The following GPC5 variants were observed in gnomAD, a reference collection of about 807,000 sequenced individuals.
The protein encoded by GPC5 is glypican-5.
GPC5 carries 47 observed loss-of-function variants against 53.9 expected under a neutral mutation model. The ratio of observed to expected loss-of-function variants is 0.87; its 90% CI spans 0.69 to 1.11. GPC5 has a LOEUF of 1.11. Among genes scored for constraint, GPC5 ranks in the 50% most tolerant of loss-of-function variants. The probability of loss-of-function intolerance (pLI) is 0.00; values close to 1 mark genes in which losing one functional copy is unlikely to be tolerated. For synonymous variants in GPC5, 286 were observed against 263.3 expected (o/e 1.09, Z -0.84); for missense variants, 748 against 713.1 (o/e 1.05, Z -0.56).
intron 7 of GPC5, among the ~76,000 whole-genome samples, chr13:92,664,497 G>A (rs1348187991): frequency 6.6e-6 from 1 of 151,974 alleles, no homozygotes; most frequent in South Asian, 2.1e-4. Flanking sequence ...TGAAAGTGGA[G>A]TAGGGTAAAA....
chr13:92,201,479 T>C (rs2042295001), intron 7 of GPC5, among the ~76,000 whole-genome samples: 1 of 152,220 alleles, frequency 6.6e-6, no homozygotes, highest in Non-Finnish European at 1.5e-5. Context: ...AAAAAATACA[T>C]ATTGTCTTCA....
chr13:91,809,298 G>A (rs530516145), intron 5 of GPC5, among the ~76,000 whole-genome samples: 11 of 152,184 alleles, frequency 7.2e-5, no homozygotes, highest in South Asian at 2.1e-4. Context: ...ATCCACTGCC[G>A]TTTAATCATA....
At chr13:91,626,461 G>A (rs530479197) in intron 2 of GPC5, among the ~76,000 whole-genome samples, 24 of 152,110 alleles carry the variant, frequency 1.6e-4, no homozygotes, top group Non-Finnish European at 2.9e-4. Flanking sequence ...AAGGTCAAAT[G>A]GCTACCCTGT....
At chr13:92,268,967 G>T (rs1380258695) in intron 7 of GPC5, among the ~76,000 whole-genome samples, 1 of 151,614 alleles carries the variant, frequency 6.6e-6, no homozygotes, top group Non-Finnish European at 1.5e-5. Flanking sequence ...TGTCTATTTG[G>T]TTGTTATATT....
intron 7 of GPC5, among the ~76,000 whole-genome samples, chr13:92,753,120 C>A (rs1258430603): frequency 6.6e-6 from 1 of 152,184 alleles, no homozygotes; most frequent in East Asian, 1.9e-4. Context: ...AGTGGTTCTC[C>A]CAGCACTCAG....
chr13:92,106,068 T>G (rs2041507202), intron 6 of GPC5, among the ~76,000 whole-genome samples: 1 of 152,074 alleles, frequency 6.6e-6, no homozygotes, highest in Non-Finnish European at 1.5e-5. Context: ...TGTAGCACCC[T>G]GTTTAATTAT....
intron 6 of GPC5, among the ~76,000 whole-genome samples, chr13:92,049,588 G>T (rs1469211546): frequency 6.6e-6 from 1 of 152,014 alleles, no homozygotes; most frequent in Non-Finnish European, 1.5e-5. Context: ...ATGATTAATT[G>T]TTCCTTTACA....
rs188799384 is a variant in GPC5 at position 91,860,470 on chromosome 13, C to G, written c.1281-47467C>G. ...ATATCTATCCTTCCTTCCTTCCTTC[C>G]TGCCTTCCTTCCTTCCTTCCTCTTT... On this transcript the variant is annotated intron_variant, in intron 5 of 7. Transcript: ENST00000377067. Among the ~76,000 whole-genome samples the G allele has an allele frequency of 6.2e-3, 902 of 146,202 alleles. 10 individuals carry two copies. Among genetic ancestry groups the G allele is most frequent in the African/African-American group, 0.022 (868 of 39,054 alleles).
intron 5 of GPC5, among the ~76,000 whole-genome samples, chr13:91,787,728 A>C (rs1438799413): frequency 6.6e-6 from 1 of 152,214 alleles, no homozygotes; most frequent in Non-Finnish European, 1.5e-5. Flanking sequence ...ACTGTGAATA[A>C]ATATTTATAA....
Position 91,971,373 on chromosome 13 carries a change from C to G in GPC5, c.1401+63316C>G, listed in dbSNP as rs551434620. Among the ~76,000 whole-genome samples, 401 of 151,934 alleles carry G rather than the reference C, an allele frequency of 2.6e-3. 4 individuals are homozygous for G. Among genetic ancestry groups the G allele is most frequent in the African/African-American group, 9.1e-3 (378 of 41,422 alleles). On this transcript the variant is annotated intron_variant, in intron 6 of 7. Transcript: ENST00000377067. ...CTTCTCTCTTTTCTTCTTTATTAGT[C>G]TTGCTAGCGGTCTATCAATTTTGTT... is the stretch of plus-strand genomic sequence containing the variant.
chr13:92,597,419 C>T (rs1362748873), intron 7 of GPC5, among the ~76,000 whole-genome samples: 2 of 152,132 alleles, frequency 1.3e-5, no homozygotes, highest in Non-Finnish European at 2.9e-5. Flanking sequence ...CTGCATCCTT[C>T]GAAGAGACTG....
intron 7 of GPC5, among the ~76,000 whole-genome samples, chr13:92,182,797 A>C (rs1464434784): frequency 6.6e-6 from 1 of 152,040 alleles, no homozygotes; most frequent in East Asian, 1.9e-4. Flanking sequence ...TGAACCCGGC[A>C]GGCAGAGCTT....
chr13:91,991,091 G>A (rs977926501), intron 6 of GPC5, among the ~76,000 whole-genome samples: 5 of 152,170 alleles, frequency 3.3e-5, no homozygotes, highest in Non-Finnish European at 7.3e-5. Context: ...CCAGCCCGAG[G>A]ACACATTAGT....
chr13:92,156,464 GT>G lies in GPC5; in HGVS notation c.1561+11478del, dbSNP rs147840786. ...TTAACTTGCTGCATTGCTTCCCTCT[GT>G]TTCTTCTGCACACATGCTGATAGTG... On this transcript the variant is annotated intron_variant, in intron 7 of 7. Transcript: ENST00000377067. Among the ~76,000 whole-genome samples the G allele has an allele frequency of 4.9e-3, 742 of 152,166 alleles. 10 individuals carry two copies. The highest frequency in any genetic ancestry group is 0.016 in the African/African-American group (669 of 41,516).
intron 7 of GPC5, among the ~76,000 whole-genome samples, chr13:92,507,669 C>T (rs1012539915): frequency 6.6e-6 from 1 of 151,980 alleles, no homozygotes; most frequent in Non-Finnish European, 1.5e-5. Flanking sequence ...CAAGTTATAC[C>T]ACTGAGAATT....
intron 2 of GPC5, among the ~76,000 whole-genome samples, chr13:91,503,644 G>T (rs1566457401): frequency 6.6e-6 from 1 of 151,608 alleles, no homozygotes; most frequent in African/African-American, 2.4e-5. Flanking sequence ...GCTGGGCATG[G>T]TGGTGTGTGC....
chr13:91,550,991 C>T (rs1306634101), intron 2 of GPC5, among the ~76,000 whole-genome samples: 1 of 152,072 alleles, frequency 6.6e-6, no homozygotes, highest in Non-Finnish European at 1.5e-5. Flanking sequence ...TATAAATTAC[C>T]CAGTCTTGAG....
chr13:92,671,711 G>T (rs112195210), intron 7 of GPC5, among the ~76,000 whole-genome samples: 1 of 152,162 alleles, frequency 6.6e-6, no homozygotes, highest in Non-Finnish European at 1.5e-5. Context: ...AAATAAGTAG[G>T]TATAAATCTG....
At chr13:91,702,527 C>T (rs1198687130) in intron 3 of GPC5, among the ~76,000 whole-genome samples, 1 of 151,966 alleles carries the variant, frequency 6.6e-6, no homozygotes, top group Non-Finnish European at 1.5e-5. Flanking sequence ...ATACTTGTAC[C>T]ATGATATTTT....
Sources: gnomAD v4.1 joint callset for allele counts (sites outside exome capture counted in the v4.1 genomes callset) on GRCh38, gnomAD v4.1.1 for gene constraint, MANE v1.5 for transcripts, NCBI Gene and HGNC (gene_info 2026-07-23, HGNC 2026-07-21) for gene names.